PHF14: variants seen among roughly 807,000 people sequenced by gnomAD.
The protein encoded by PHF14 is PHD finger protein 14.
PHF14 carries 55 observed loss-of-function variants against 117.9 expected under a neutral mutation model. The ratio of observed to expected loss-of-function variants is 0.47; its 90% CI spans 0.38 to 0.58. The LOEUF is 0.58. Among genes scored for constraint, PHF14 ranks in the 20% least tolerant of loss-of-function variants. The pLI is 0.00. For missense variants in PHF14, 978 were observed against 1,122.2 expected (o/e 0.87, Z 1.84); for synonymous variants, 409 against 368.6 (o/e 1.11, Z -1.26).
In PHF14 at chr7:11,130,943, G is replaced by T. The variant is rs1055031407; in HGVS notation, c.2772+19476G>T. On this transcript the variant is annotated intron_variant, in intron 17 of 17. Transcript: ENST00000634607. The surrounding 1 kb of genome is among the most constrained non-coding windows in gnomAD (Gnocchi z 4.2). ...AGCCTGTTCAATTTGGCTTCTTTCC[G>T]TAAGCAATACGCATTTAGGGGTTTG... is the stretch of plus-strand genomic sequence containing the variant. Among the ~76,000 whole-genome samples the T allele has an allele frequency of 1.3e-5, 2 of 151,442 alleles. No individual in the cohort carries two copies. The highest frequency in any genetic ancestry group is 1.9e-4 in the East Asian group (1 of 5,178).
chr7:11,164,550 ATACAT>A (rs1303043039), intron 17 of PHF14, among the ~76,000 whole-genome samples: 1 of 152,194 alleles, frequency 6.6e-6, no homozygotes, highest in Non-Finnish European at 1.5e-5. Context: ...ATCTGTTCCC[ATACAT>A]TTTACTTACT....
chr7:11,086,001 C>T (rs950056389), intron 16 of PHF14, among the ~76,000 whole-genome samples: 12 of 152,114 alleles, frequency 7.9e-5, no homozygotes, highest in Admixed American at 7.9e-4. Context: ...AATCTTTGTG[C>T]TTTAGTTTCC....
intron 4 of PHF14, among the ~76,000 whole-genome samples, chr7:11,007,755 A>G (rs1361407861): frequency 6.6e-6 from 1 of 152,218 alleles, no homozygotes; most frequent in Non-Finnish European, 1.5e-5. Context: ...CCAGACAGCC[A>G]TAGTATTTTG....
intron 5 of PHF14, chr7:11,014,991 C>G (rs985031637): frequency 2.3e-5 from 3 of 132,496 alleles, no homozygotes; most frequent in Admixed American, 1.6e-4. Flanking sequence ...CTGCCTCTTC[C>G]TCTCCAATAT....
At position 11,036,609 on chromosome 7, in the gene PHF14, A is replaced by G. The variant is rs1163824244; in HGVS notation, c.1794A>G (p.Ser598=). 4.3e-6 allele frequency: 7 copies of G among 1,613,730 alleles called. No homozygotes were observed. The highest frequency in any genetic ancestry group is 5.9e-6 in the Non-Finnish European group (7 of 1,179,652). The change falls in exon 9 of 18, where the codon TCA becomes TCG. Residue 598 remains serine (S), a synonymous_variant. Transcript: ENST00000634607. ...CAGATATCTTTCCAGTGGACAATTC[A>G]GATACTAGTTCTAGTGTGGATGGAA... ...ISTDIFPVDN[S]DTSSSVDGRR...
At chr7:11,106,094 C>T in intron 16 of PHF14, 1 of 983,860 alleles carries the variant, frequency 1.0e-6, no homozygotes, top group Non-Finnish European at 1.2e-6. Flanking sequence ...AGTTGCTTGA[C>T]CTTATTGTGT....
chr7:11,117,698 A>G (rs1168823800), intron 17 of PHF14, among the ~76,000 whole-genome samples: 2 of 149,266 alleles, frequency 1.3e-5, no homozygotes, highest in Non-Finnish European at 3.0e-5. Context: ...GAACGGAACA[A>G]TCTCTTCAGG....
At chr7:11,125,477 C>T (rs1308303922) in intron 17 of PHF14, among the ~76,000 whole-genome samples, 1 of 152,080 alleles carries the variant, frequency 6.6e-6, no homozygotes, top group Non-Finnish European at 1.5e-5. Context: ...AAATACAATT[C>T]AGTTTACACT....
At chr7:11,127,512 C>T (rs1218868221) in intron 17 of PHF14, among the ~76,000 whole-genome samples, 1 of 152,146 alleles carries the variant, frequency 6.6e-6, no homozygotes, top group Non-Finnish European at 1.5e-5. Flanking sequence ...GCCATTCCCA[C>T]TGCAGCCATG....
At chr7:11,155,792 C>A (rs531175564) in intron 17 of PHF14, among the ~76,000 whole-genome samples, 60 of 150,046 alleles carry the variant, frequency 4.0e-4, no homozygotes, top group African/African-American at 1.4e-3. Flanking sequence ...TAGCAACTAG[C>A]ACAGTGCCTG....
At chr7:11,008,523 T>C (rs1172364046) in intron 4 of PHF14, among the ~76,000 whole-genome samples, 2 of 152,124 alleles carry the variant, frequency 1.3e-5, no homozygotes, top group African/African-American at 4.8e-5. Flanking sequence ...ATGAGGGATC[T>C]AGGTTTCATA....
intron 17 of PHF14, among the ~76,000 whole-genome samples, chr7:11,136,157 A>ATT (rs1186241949): frequency 2.0e-5 from 3 of 152,258 alleles, no homozygotes; most frequent in Middle Eastern, 3.4e-3. Context: ...CTCATCACAT[A>ATT]TTAAGGTCAA....
At chr7:11,062,822 A>G (rs117240702) in intron 16 of PHF14, 1 of 985,298 alleles carries the variant, frequency 1.0e-6, no homozygotes, top group East Asian at 1.1e-4. Flanking sequence ...GCTAATTTAA[A>G]AGAGGCATCA....
intron 16 of PHF14, among the ~76,000 whole-genome samples, chr7:11,091,934 G>C (rs1468800197): frequency 6.6e-6 from 1 of 152,142 alleles, no homozygotes; most frequent in African/African-American, 2.4e-5. Flanking sequence ...ATCATGCTCT[G>C]TAAGAATGGA....
chr7:11,019,063 C>G (rs1783633468), intron 5 of PHF14, among the ~76,000 whole-genome samples: 1 of 152,112 alleles, frequency 6.6e-6, no homozygotes, highest in Non-Finnish European at 1.5e-5. Context: ...TATGTTGAAC[C>G]ATGCTTGCAA....
chr7:11,094,671 C>T (rs1314819948), intron 16 of PHF14, among the ~76,000 whole-genome samples: 2 of 152,200 alleles, frequency 1.3e-5, no homozygotes, highest in Non-Finnish European at 2.9e-5. Context: ...GTCCCTGGGG[C>T]TGTGGCTCCC....
Position 11,142,799 on chromosome 7 carries a change from C to T in PHF14, c.2773-26617C>T, listed in dbSNP as rs188255639. On this transcript the variant is annotated intron_variant, in intron 17 of 17. Coordinates refer to ENST00000634607, the MANE Select transcript of PHF14 (RefSeq NM_001007157.2). Reference sequence around the variant, plus strand: ...AAATAGTTCCTGTGTTACTAGATTACAGTTTTCTACTGTAAGTTTTCAGAA... The same window carrying T: ...AAATAGTTCCTGTGTTACTAGATTATAGTTTTCTACTGTAAGTTTTCAGAA... Among the ~76,000 whole-genome samples the T allele has an allele frequency of 3.5e-3, 530 of 152,194 alleles. 6 individuals are homozygous for T. The highest frequency in any genetic ancestry group is 0.012 in the African/African-American group (512 of 41,544).
chr7:11,075,564 GTTTTTT>G (rs3073111), intron 16 of PHF14, among the ~76,000 whole-genome samples: 30,770 of 110,436 alleles, frequency 0.28, 3,106 homozygotes, highest in East Asian at 0.6. Context: ...AAGGAAAGAG[GTTTTTT>G]TTTTTTTTTT....
chr7:11,014,073 A>G (rs1008800196), intron 5 of PHF14, among the ~76,000 whole-genome samples, 167 bp downstream of exon 5: 1 of 152,204 alleles, frequency 6.6e-6, no homozygotes, highest in African/African-American at 2.4e-5. Flanking sequence ...GGGTGAGAGG[A>G]AAGACCATTT....
Sources: allele counts gnomAD v4.1 joint callset (sites outside exome capture counted in the v4.1 genomes callset), GRCh38; gene constraint gnomAD v4.1.1; non-coding constraint Gnocchi (gnomAD v3.1); transcripts MANE v1.5; gene names NCBI Gene and HGNC (gene_info 2026-07-23, HGNC 2026-07-21).